CAMK1D: variants seen among roughly 807,000 people sequenced by gnomAD.
The protein encoded by CAMK1D is calcium/calmodulin dependent protein kinase ID.
Under a neutral mutation model 47.7 loss-of-function variants are expected in CAMK1D, and 9 were observed. The ratio of observed to expected loss-of-function variants is 0.19; its 90% CI spans 0.11 to 0.33. The LOEUF (loss-of-function observed/expected upper bound fraction) is 0.33. CAMK1D is among the 10% of genes least tolerant of loss of function. The probability of loss-of-function intolerance (pLI) is 1.00; values close to 1 mark genes in which losing one functional copy is unlikely to be tolerated. For missense variants in CAMK1D, 291 were observed against 488.7 expected, an observed-to-expected ratio of 0.60 and a Z score of 3.81; for synonymous variants, 184 against 184.9, an observed-to-expected ratio of 0.99 and a Z score of 0.04.
At chr10:12,683,338 G>A (rs1053685193) in intron 3 of CAMK1D, among the ~76,000 whole-genome samples, 7 of 151,918 alleles carry the variant, frequency 4.6e-5, no homozygotes, top group African/African-American at 1.5e-4. Context: ...CGCCCTCCTT[G>A]GTCTCCCAAA....
chr10:12,514,551 A>G (rs188197510), intron 1 of CAMK1D, among the ~76,000 whole-genome samples: 13 of 152,346 alleles, frequency 8.5e-5, no homozygotes, highest in African/African-American at 2.4e-4. Context: ...TAAGGCCTAA[A>G]GTCAAGAAGT....
At chr10:12,691,376 TAA>T (rs536814670) in intron 3 of CAMK1D, among the ~76,000 whole-genome samples, 2,021 of 10,914 alleles carry the variant, frequency 0.19, 131 homozygotes, top group African/African-American at 0.29. Flanking sequence ...TATATATATA[TAA>T]ATATATATAT....
chr10:12,761,896 A>G (rs1404304435), intron 4 of CAMK1D, among the ~76,000 whole-genome samples: 1 of 152,196 alleles, frequency 6.6e-6, no homozygotes, highest in South Asian at 2.1e-4. Context: ...AAAAAAATAA[A>G]TAAATAAAAA....
At chr10:12,648,373 G>A (rs1274112024) in intron 2 of CAMK1D, among the ~76,000 whole-genome samples, 1 of 152,172 alleles carries the variant, frequency 6.6e-6, no homozygotes, top group African/African-American at 2.4e-5. Context: ...AGCTGGTAAT[G>A]GTTATGTTTT....
intron 1 of CAMK1D, among the ~76,000 whole-genome samples, chr10:12,397,657 A>G (rs1193149986): frequency 1.3e-5 from 2 of 152,188 alleles, no homozygotes; most frequent in Non-Finnish European, 2.9e-5. Context: ...GCGCTCAGTG[A>G]TGGTCTCTTG....
intron 4 of CAMK1D, among the ~76,000 whole-genome samples, chr10:12,762,768 G>A (rs181644124): frequency 8.7e-4 from 133 of 152,238 alleles, no homozygotes; most frequent in African/African-American, 2.5e-3. Flanking sequence ...GCTCATGTTC[G>A]GGGCCTGGAG....
At chr10:12,401,225 TTATATATATATTTTA>T (rs1184900069) in intron 1 of CAMK1D, among the ~76,000 whole-genome samples, 6 of 41,452 alleles carry the variant, frequency 1.4e-4, no homozygotes, top group Admixed American at 9.2e-4. Flanking sequence ...ATTATATATA[TTATATATATATTTTA>T]TATATATATA....
At chr10:12,749,525 A>ATTTT (rs796868251) in intron 3 of CAMK1D, among the ~76,000 whole-genome samples, 4,968 of 135,894 alleles carry the variant, frequency 0.037, 379 homozygotes, top group African/African-American at 0.13. Context: ...GAAAGTGTGG[A>ATTTT]TGTTTGTTTG....
At chr10:12,410,699 C>G (rs1484164296) in intron 1 of CAMK1D, among the ~76,000 whole-genome samples, 1 of 152,112 alleles carries the variant, frequency 6.6e-6, no homozygotes, top group Non-Finnish European at 1.5e-5. Flanking sequence ...GATATTAGTT[C>G]TTTGTTAGCA....
rs150014159 is a variant in CAMK1D, at chr10:12,545,899, G to A, written c.93-7326G>A. On this transcript the variant is annotated intron_variant, in intron 1 of 10. Transcript: ENST00000619168. ...GGGGGTGGGCAGAACTTGAACAAAG[G>A]CCAGTGGCGTGAAAGGCCGCTGTGT... 1.8e-3 allele frequency among the ~76,000 whole-genome samples: 276 copies of A among 152,242 alleles called. 4 individuals are homozygous for A. The South Asian group carries it at 0.028, about 15-fold the overall frequency.
intron 1 of CAMK1D, among the ~76,000 whole-genome samples, chr10:12,552,926 A>G (rs1836632800): frequency 1.3e-5 from 2 of 152,068 alleles, no homozygotes; most frequent in African/African-American, 4.8e-5. Context: ...TATTTTTAGT[A>G]GAGACGGGGT....
intron 1 of CAMK1D, among the ~76,000 whole-genome samples, chr10:12,356,721 CAAAA>C (rs71384311): frequency 5.3e-5 from 4 of 74,984 alleles, no homozygotes; most frequent in South Asian, 9.6e-4. Context: ...GACTCCATTT[CAAAA>C]AAAAAAAAAA....
chr10:12,497,537 A>C (rs1014592722), intron 1 of CAMK1D, among the ~76,000 whole-genome samples: 3 of 151,302 alleles, frequency 2.0e-5, no homozygotes, highest in African/African-American at 7.3e-5. Context: ...CTTAAATTCT[A>C]TTAGGTTTAA....
chr10:12,674,891 G>T (rs529327221), intron 3 of CAMK1D, among the ~76,000 whole-genome samples: 28 of 152,044 alleles, frequency 1.8e-4, no homozygotes, highest in African/African-American at 6.7e-4. Context: ...AATTAGCTCG[G>T]TGTGATGGCA....
chr10:12,579,217 G>A (rs557404806), intron 2 of CAMK1D, among the ~76,000 whole-genome samples: 2 of 152,334 alleles, frequency 1.3e-5, no homozygotes, highest in South Asian at 4.2e-4. Context: ...GATGCAGGAT[G>A]AGGGGAGCAT....
At chr10:12,455,658 A>G (rs1262005349) in intron 1 of CAMK1D, among the ~76,000 whole-genome samples, 2 of 152,104 alleles carry the variant, frequency 1.3e-5, no homozygotes, top group Non-Finnish European at 2.9e-5. Flanking sequence ...TCTGTAGTTG[A>G]TGGACATTTG....
At position 12,535,144 on chromosome 10, in the gene CAMK1D, G is replaced by A. The variant is rs538406353; in HGVS notation, c.93-18081G>A. On this transcript the variant is annotated intron_variant, in intron 1 of 10. Transcript: ENST00000619168. ...GTCCCTGCTACAGCCCATCGTATGC[G>A]CCTGCTTGCTTTTCCCGTGGGGACT... Among the ~76,000 whole-genome samples, 3 of 152,214 alleles carry A rather than the reference G, an allele frequency of 2.0e-5. No individual in the cohort carries two copies. The South Asian group carries it at 6.2e-4, about 32-fold the overall frequency.
chr10:12,705,135 C>T lies in CAMK1D; in HGVS notation c.299+38325C>T, dbSNP rs1833681770. 2.0e-5 allele frequency among the ~76,000 whole-genome samples: 3 copies of T among 152,200 alleles called. No homozygotes were observed. In the South Asian group the frequency reaches 6.2e-4, roughly 32 times the overall value. ...CTGAAATCAATTTGGTGAGTTATGA[C>T]TGGCTTAAAACAAAAAGAAAATAGA... On this transcript the variant is annotated intron_variant, in intron 3 of 10. Coordinates refer to ENST00000619168, the MANE Select transcript of CAMK1D (RefSeq NM_153498.4).
At chr10:12,436,445 C>T (rs1036313964) in intron 1 of CAMK1D, among the ~76,000 whole-genome samples, 3 of 152,168 alleles carry the variant, frequency 2.0e-5, no homozygotes, top group Non-Finnish European at 4.4e-5. Flanking sequence ...GGAAGCTGGT[C>T]GGAGGCATTA....
Sources: allele counts gnomAD v4.1 joint callset (sites outside exome capture counted in the v4.1 genomes callset), GRCh38; gene constraint gnomAD v4.1.1; transcripts MANE v1.5; gene names NCBI Gene and HGNC (gene_info 2026-07-23, HGNC 2026-07-21).